SCML4: variants seen among roughly 807,000 people sequenced by gnomAD.
SCML4 encodes Scm polycomb group protein like 4, also known as sex comb on midleg-like protein 4.
SCML4 carries 34 observed loss-of-function variants against 41.1 expected under a neutral mutation model. The observed-to-expected ratio is 0.83, with a 90% CI of 0.63 to 1.10. The LOEUF is 1.10. SCML4 is among the 50% of genes least tolerant of loss of function. The probability of loss-of-function intolerance (pLI) is 0.00; values close to 1 mark genes in which losing one functional copy is unlikely to be tolerated. For missense variants in SCML4, 522 were observed against 534.1 expected (o/e 0.98, Z 0.22); for synonymous variants, 214 against 220.9 (o/e 0.97, Z 0.28).
At chr6:107,773,255 A>C (rs1033931843) in intron 1 of SCML4, among the ~76,000 whole-genome samples, 2 of 152,166 alleles carry the variant, frequency 1.3e-5, no homozygotes, top group African/African-American at 4.8e-5. Context: ...CAGATACCAC[A>C]CACACTACAA....
At chr6:107,745,209 TG>T in intron 4 of SCML4, 66 bp from the exon 5 acceptor site, 1 of 1,219,542 alleles carries the variant, frequency 8.2e-7, no homozygotes, top group Non-Finnish European at 1.1e-6. Flanking sequence ...CAATCGGCCG[TG>T]GTGAGGATTT....
At chr6:107,812,973 A>G (rs1784273413) in intron 1 of SCML4, among the ~76,000 whole-genome samples, 1 of 151,800 alleles carries the variant, frequency 6.6e-6, no homozygotes, top group African/African-American at 2.4e-5. Context: ...CTGCATTCCT[A>G]ATATTTACTA....
the SCML4 span, among the ~76,000 whole-genome samples, chr6:107,830,415 G>A: frequency 6.6e-6 from 1 of 152,150 alleles, no homozygotes; most frequent in South Asian, 2.1e-4. Context: ...TTATCCCAGG[G>A]GCAGCGTCTG....
intron 1 of SCML4, among the ~76,000 whole-genome samples, chr6:107,781,426 T>G (rs947079810): frequency 2.0e-5 from 3 of 152,034 alleles, no homozygotes; most frequent in Non-Finnish European, 4.4e-5. Context: ...GCGGGTGGAT[T>G]GCTTGAGCTC....
At chr6:107,839,403 A>C in the SCML4 span, among the ~76,000 whole-genome samples, 1 of 144,248 alleles carries the variant, frequency 6.9e-6, no homozygotes, top group East Asian at 2.0e-4. Context: ...GAAAGAAAGA[A>C]AGAAAGAGGA....
At chr6:107,826,733 G>A (rs1330211290), upstream of SCML4, among the ~76,000 whole-genome samples, 3 of 152,138 alleles carry the variant, frequency 2.0e-5, no homozygotes, top group East Asian at 5.8e-4. Flanking sequence ...TCATCTAACA[G>A]GTCAACTTGG....
the SCML4 span, among the ~76,000 whole-genome samples, chr6:107,831,801 C>G: frequency 2.6e-5 from 4 of 152,140 alleles, no homozygotes; most frequent in Admixed American, 2.6e-4. Context: ...CGTCTCTAAT[C>G]CCAGCATTTT....
chr6:107,825,095 T>C (rs1055399888), upstream of SCML4, among the ~76,000 whole-genome samples: 3 of 152,248 alleles, frequency 2.0e-5, no homozygotes, highest in African/African-American at 7.2e-5. Context: ...CCATGCCCCA[T>C]TGCATTTTCT....
intron 1 of SCML4, among the ~76,000 whole-genome samples, chr6:107,791,956 C>T (rs1401170): frequency 0.42 from 63,916 of 151,880 alleles, 15,906 homozygotes; most frequent in East Asian, 0.71. Flanking sequence ...AGTGAGACCC[C>T]GTCTCAAAAA....
At chr6:107,736,369 C>A (rs1777066295) in intron 5 of SCML4, among the ~76,000 whole-genome samples, 1 of 152,208 alleles carries the variant, frequency 6.6e-6, no homozygotes, top group South Asian at 2.1e-4. Context: ...GGGATGCACA[C>A]CCCACGCAGC....
chr6:107,761,496 G>A (rs1779592089), intron 2 of SCML4, among the ~76,000 whole-genome samples: 1 of 151,302 alleles, frequency 6.6e-6, no homozygotes, highest in Non-Finnish European at 1.5e-5. Flanking sequence ...GAGTGCAATG[G>A]CGCAATCTCG....
chr6:107,827,020 G>A (rs1419605762), upstream of SCML4, among the ~76,000 whole-genome samples: 16 of 151,850 alleles, frequency 1.1e-4, no homozygotes, highest in South Asian at 1.9e-3. Context: ...CCGAGATCAC[G>A]CCACTGCACT....
intron 5 of SCML4, among the ~76,000 whole-genome samples, chr6:107,721,455 C>A (rs762475557): frequency 4.6e-5 from 7 of 151,952 alleles, no homozygotes; most frequent in Non-Finnish European, 1.0e-4. Flanking sequence ...ATCCCAGCTA[C>A]TCAGGAGGCT....
intron 5 of SCML4, chr6:107,732,199 G>GC (rs1273137646): frequency 6.6e-6 from 1 of 152,258 alleles, no homozygotes; most frequent in African/African-American, 2.4e-5. Context: ...ACTCAGTCCC[G>GC]CCCCTTGTTC....
At chr6:107,763,599 C>G (rs564068466) in intron 2 of SCML4, among the ~76,000 whole-genome samples, 4 of 152,120 alleles carry the variant, frequency 2.6e-5, no homozygotes, top group Non-Finnish European at 4.4e-5. Flanking sequence ...ATTGGCTAGG[C>G]TAGTCTCAAA....
intron 5 of SCML4, among the ~76,000 whole-genome samples, chr6:107,730,279 A>C (rs1400679323): frequency 6.6e-6 from 1 of 152,184 alleles, no homozygotes; most frequent in Non-Finnish European, 1.5e-5. Flanking sequence ...TGGAGGATCT[A>C]ACTCCTGCAC....
intron 1 of SCML4, among the ~76,000 whole-genome samples, chr6:107,815,678 G>A (rs956201522): frequency 1.3e-5 from 2 of 152,172 alleles, no homozygotes; most frequent in African/African-American, 4.8e-5. Flanking sequence ...AGAGGCGGGT[G>A]CCTGCGTTGG....
chr6:107,814,667 C>T (rs1272829740), intron 1 of SCML4, among the ~76,000 whole-genome samples: 1 of 152,182 alleles, frequency 6.6e-6, no homozygotes, highest in Non-Finnish European at 1.5e-5. Flanking sequence ...ATTCTCATGC[C>T]TCAGCCTCCC....
In SCML4 at chr6:107,749,819, A is replaced by G; in HGVS notation, c.157-6T>C. On this transcript the variant is annotated splice_polypyrimidine_tract_variant and splice_region_variant and intron_variant, in intron 2 of 7. Transcript: ENST00000369020. The stretch of plus-strand genomic sequence containing the variant: ...ATGAGAACCCGAGACTTGATCTGGA[A>G]GAGAGAGCCCATTTGGTCAATGAGA... 6 of 1,613,994 alleles carry G rather than the reference A, an allele frequency of 3.7e-6. No homozygotes were observed. The highest frequency in any genetic ancestry group is 5.1e-6 in the Non-Finnish European group (6 of 1,179,884).
Sources: allele counts gnomAD v4.1 joint callset (sites outside exome capture counted in the v4.1 genomes callset), GRCh38; gene constraint gnomAD v4.1.1; transcripts MANE v1.5; gene names NCBI Gene and HGNC (gene_info 2026-07-23, HGNC 2026-07-21).